Variants in KDM4C observed in about 807,000 individuals in gnomAD.
KDM4C encodes the protein lysine demethylase 4C.
Under a neutral mutation model 129.3 loss-of-function variants are expected in KDM4C, and 81 were observed. The ratio of observed to expected loss-of-function variants is 0.63; its 90% CI spans 0.52 to 0.75. The LOEUF (loss-of-function observed/expected upper bound fraction) is 0.75. Among genes scored for constraint, KDM4C ranks in the 30% least tolerant of loss-of-function variants. The pLI is 0.00. For synonymous variants in KDM4C, 573 were observed against 456.1 expected, an observed-to-expected ratio of 1.26 and a Z score of -3.26; for missense variants, 1,457 against 1,304.0, an observed-to-expected ratio of 1.12 and a Z score of -1.81.
chr9:6,876,491 G>C (rs1044007873), intron 5 of KDM4C, among the ~76,000 whole-genome samples: 2 of 152,168 alleles, frequency 1.3e-5, no homozygotes, highest in African/African-American at 4.8e-5. Flanking sequence ...TGTTTAACGT[G>C]CGTTCCCCTC....
At chr9:7,015,977 C>T (rs1193855365) in intron 15 of KDM4C, 48 bp downstream of exon 15, 2 of 1,296,772 alleles carry the variant, frequency 1.5e-6, no homozygotes, top group African/African-American at 2.9e-5. Context: ...CCACCCTACC[C>T]ACTGTGGACA....
chr9:7,046,957 C>G, intron 16 of KDM4C, 40 bp downstream of exon 16: 1 of 1,395,096 alleles, frequency 7.2e-7, no homozygotes, highest in Non-Finnish European at 1.0e-6. Context: ...CATTATTTTT[C>G]TTTCTCCATT....
chr9:6,750,565 G>T (rs765868963), intron 1 of KDM4C, among the ~76,000 whole-genome samples: 19 of 152,158 alleles, frequency 1.2e-4, no homozygotes, highest in Non-Finnish European at 2.2e-4. Context: ...GCACATCATA[G>T]GTTTCCAAAA....
chr9:7,174,643 A>G lies in KDM4C; in HGVS notation c.3085A>G (p.Arg1029Gly), dbSNP rs769721882. 6.2e-7 allele frequency: 1 copy of G among 1,614,124 alleles called. No individual in the cohort carries two copies. The highest frequency in any genetic ancestry group is 8.5e-7 in the Non-Finnish European group (1 of 1,179,918). ...AAAGAGACAAAGAGTGCTGAGCTCCAGGTTTAAGAATGAATATGTGGCCGA... is the reference window on the plus strand; with the variant it reads ...AAAGAGACAAAGAGTGCTGAGCTCCGGGTTTAAGAATGAATATGTGGCCGA... ...ERKRQRVLSS[R>G]FKNEYVADPV... Residue 1029 changes from arginine (R) to glycine (G), a missense_variant, in exon 22 of 22, where the codon AGG becomes GGG. Arg to Gly is a moderately radical substitution (Grantham distance 125). Coordinates refer to ENST00000381309, the MANE Select transcript of KDM4C (RefSeq NM_015061.6).
chr9:6,993,248 A>G (rs1819073734), intron 12 of KDM4C, among the ~76,000 whole-genome samples: 1 of 152,204 alleles, frequency 6.6e-6, no homozygotes, highest in Admixed American at 6.5e-5. Flanking sequence ...TTAGCATCTA[A>G]CTTATTCTTT....
intron 8 of KDM4C, among the ~76,000 whole-genome samples, chr9:6,931,607 C>G (rs543881473): frequency 7.2e-5 from 11 of 152,184 alleles, no homozygotes; most frequent in African/African-American, 1.7e-4. Flanking sequence ...CTCAATCAGT[C>G]CTTCCACCTC....
chr9:6,762,051 GC>G (rs1819656736), intron 1 of KDM4C, among the ~76,000 whole-genome samples: 1 of 152,008 alleles, frequency 6.6e-6, no homozygotes, highest in South Asian at 2.1e-4. Context: ...GCCTGCCTCG[GC>G]CTCCCAAAGT....
At chr9:7,120,200 T>C (rs1329439610) in intron 18 of KDM4C, among the ~76,000 whole-genome samples, 1 of 152,040 alleles carries the variant, frequency 6.6e-6, no homozygotes, top group Admixed American at 6.5e-5. Context: ...TAACTTTAAA[T>C]TTTTTTAAGT....
At chr9:7,125,193 C>G (rs1423647555) in intron 18 of KDM4C, among the ~76,000 whole-genome samples, 1 of 152,218 alleles carries the variant, frequency 6.6e-6, no homozygotes, top group African/African-American at 2.4e-5. Flanking sequence ...AGCAAGACCT[C>G]TTGCATTCCC....
chr9:7,154,639 T>G, intron 19 of KDM4C, among the ~76,000 whole-genome samples: 1 of 152,208 alleles, frequency 6.6e-6, no homozygotes, highest in Non-Finnish European at 1.5e-5. Context: ...GCCCTGACTT[T>G]GGCAGGAATG....
chr9:7,049,559 G>A (rs886497074), intron 17 of KDM4C, among the ~76,000 whole-genome samples: 18 of 151,994 alleles, frequency 1.2e-4, no homozygotes, highest in Admixed American at 1.1e-3. Context: ...ACTCTCTTTG[G>A]TTGGTCTTAA....
At chr9:6,925,396 T>G in intron 8 of KDM4C, 3 of 984,626 alleles carry the variant, frequency 3.0e-6, no homozygotes, top group South Asian at 9.4e-5. Context: ...AAAGCTTTTT[T>G]TCTTTCCTTC....
intron 4 of KDM4C, among the ~76,000 whole-genome samples, chr9:6,830,061 C>T (rs770214362): frequency 2.0e-5 from 3 of 152,100 alleles, no homozygotes; most frequent in African/African-American, 4.8e-5. Context: ...GGCAGTGTTT[C>T]TGTACCAAAA....
At chr9:6,873,833 C>G (rs1843136727) in intron 5 of KDM4C, among the ~76,000 whole-genome samples, 1 of 151,934 alleles carries the variant, frequency 6.6e-6, no homozygotes, top group African/African-American at 2.4e-5. Context: ...CCTTACTAAG[C>G]TAAATCATTT....
intron 19 of KDM4C, among the ~76,000 whole-genome samples, chr9:7,156,782 A>G (rs1843218618): frequency 6.6e-6 from 1 of 152,210 alleles, no homozygotes; most frequent in Admixed American, 6.5e-5. Context: ...GAAGTCAGAT[A>G]GCGTGATGTC....
At chr9:6,961,029 C>T (rs1829951830) in intron 8 of KDM4C, among the ~76,000 whole-genome samples, 1 of 152,160 alleles carries the variant, frequency 6.6e-6, no homozygotes, top group South Asian at 2.1e-4. Flanking sequence ...GCTTCTAGGA[C>T]ACTCTCAAAT....
rs992433823 is a variant in KDM4C, at chr9:6,919,636, C to T, written c.921+26404C>T. On this transcript the variant is annotated intron_variant, in intron 8 of 21. Transcript: ENST00000381309. ...TGTTGCCCAGGCTGGAGTGCAATGG[C>T]GCGATCTTGGCTCCCTGCAATCTCC... 7.3e-5 allele frequency among the ~76,000 whole-genome samples: 11 copies of T among 151,332 alleles called. 1 individual carries two copies. The East Asian group carries it at 9.8e-4, about 13-fold the overall frequency.
At chr9:6,865,148 G>A (rs56171015) in intron 5 of KDM4C, among the ~76,000 whole-genome samples, 12,278 of 151,394 alleles carry the variant, frequency 0.081, 828 homozygotes, top group East Asian at 0.25. Flanking sequence ...AGCTGGGACT[G>A]CAGGTGCCCG....
intron 1 of KDM4C, among the ~76,000 whole-genome samples, chr9:6,788,041 CTTG>C (rs1231067773): frequency 3.3e-5 from 5 of 152,182 alleles, no homozygotes; most frequent in East Asian, 1.9e-4. Flanking sequence ...AGTCTCTTTC[CTTG>C]TTGTTCCTTC....
Sources: allele counts gnomAD v4.1 joint callset (sites outside exome capture counted in the v4.1 genomes callset), GRCh38; gene constraint gnomAD v4.1.1; transcripts MANE v1.5; gene names NCBI Gene and HGNC (gene_info 2026-07-23, HGNC 2026-07-21).